FOSL2: variants seen among roughly 807,000 people sequenced by gnomAD.
FOSL2 encodes the protein FOS like 2, AP-1 transcription factor subunit.
In FOSL2, 3 loss-of-function variants were observed where a neutral mutation model predicts 27.7. The ratio of observed to expected loss-of-function variants is 0.11; its 90% CI spans 0.05 to 0.28. FOSL2 has a LOEUF of 0.28. FOSL2 is among the 10% of genes least tolerant of loss of function. FOSL2 has a pLI of 1.00. For missense variants in FOSL2, 333 were observed against 445.1 expected, an observed-to-expected ratio of 0.75 and a Z score of 2.27; for synonymous variants, 179 against 190.1, an observed-to-expected ratio of 0.94 and a Z score of 0.48.
At position 28,404,943 on chromosome 2, in the gene FOSL2, A is replaced by T. The variant is rs1664046869; in HGVS notation, c.354+585A>T. On this transcript the variant is annotated intron_variant, in intron 2 of 3. Transcript: ENST00000264716. This position sits in a 1 kb window ranked among gnomAD's most constrained non-coding sequence, Gnocchi z 4.7. ...GGTGCAGTAACTCTGGGGCCTTAGG[A>T]GTCTGTTCAGTGGCATGGACAGGAG... 6.6e-6 allele frequency among the ~76,000 whole-genome samples: 1 copy of T among 152,114 alleles called. No individual in the cohort carries two copies. The highest frequency in any genetic ancestry group is 6.5e-5 in the Admixed American group (1 of 15,280).
chr2:28,411,568 T>G (rs986144661), intron 3 of FOSL2, among the ~76,000 whole-genome samples: 1 of 152,192 alleles, frequency 6.6e-6, no homozygotes, highest in South Asian at 2.1e-4. Context: ...AGAACCCCTC[T>G]GAACCTCAGT....
rs1664325538 is a variant in FOSL2 at position 28,417,111 on chromosome 2, T to C, written c.*4663T>C. On this transcript the variant is annotated 3_prime_UTR_variant, in exon 4 of 4. Coordinates refer to ENST00000264716, the MANE Select transcript of FOSL2 (RefSeq NM_005253.4). ...CCTTTCTGGTGGTGGTTTTTGTTGT[T>C]GTTGTTGTTTTGTTGTTTTACTATA... 6.6e-6 allele frequency: 1 copy of C among 152,064 alleles called. No homozygotes were observed. The highest frequency in any genetic ancestry group is 2.4e-5 in the African/African-American group (1 of 41,396). The allele number at this position is 152,064 out of a possible 1,614,324, so 9.4% of individuals were successfully genotyped here. A position where few individuals can be genotyped will look rare whatever the true frequency, so the allele number is the denominator to read the frequency against.
At chr2:28,405,837 A>C (rs1459214307) in intron 2 of FOSL2, among the ~76,000 whole-genome samples, 1 of 152,132 alleles carries the variant, frequency 6.6e-6, no homozygotes, top group Non-Finnish European at 1.5e-5. Context: ...CTATAATTGC[A>C]GTTGTAAATA....
At chr2:28,396,298 G>T (rs1476213624) in intron 1 of FOSL2, among the ~76,000 whole-genome samples, 8 of 151,710 alleles carry the variant, frequency 5.3e-5, no homozygotes, top group African/African-American at 1.9e-4. Flanking sequence ...GGGGTGGGGG[G>T]AGCAGACTAG....
chr2:28,400,980 A>G (rs1219015987), intron 1 of FOSL2, among the ~76,000 whole-genome samples: 2 of 152,174 alleles, frequency 1.3e-5, no homozygotes, highest in East Asian at 1.9e-4. Context: ...CAGCTTCCCC[A>G]TGGAGGAGGG....
chr2:28,403,200 C>A (rs1024389826), intron 1 of FOSL2, among the ~76,000 whole-genome samples: 14 of 152,268 alleles, frequency 9.2e-5, no homozygotes, highest in African/African-American at 3.4e-4. Context: ...AGGTCAGGAC[C>A]AGCTGCTAAG....
Position 28,404,744 on chromosome 2 carries a change from T to G in FOSL2, c.354+386T>G, listed in dbSNP as rs1664043147. 6.6e-6 allele frequency among the ~76,000 whole-genome samples: 1 copy of G among 152,156 alleles called. No homozygotes were observed. Among genetic ancestry groups the G allele is most frequent in the Non-Finnish European group, 1.5e-5 (1 of 68,030 alleles). On this transcript the variant is annotated intron_variant, in intron 2 of 3. Transcript: ENST00000264716. The surrounding 1 kb of genome is among the most constrained non-coding windows in gnomAD (Gnocchi z 4.7). ...CCAATGAACCCTGGCTGTGAGCTTTTTAGGATTATCCCTTAGCCGTCTCCC... is the reference window on the plus strand; with the variant it reads ...CCAATGAACCCTGGCTGTGAGCTTTGTAGGATTATCCCTTAGCCGTCTCCC...
chr2:28,412,494 C>T lies in FOSL2; in HGVS notation c.*46C>T, dbSNP rs1369430427. 6.4e-7 allele frequency: 1 copy of T among 1,571,098 alleles called. No individual in the cohort carries two copies. Among genetic ancestry groups the T allele is most frequent in the Admixed American group, 1.7e-5 (1 of 58,936 alleles). ...AGCTCCGGAGGGGGTCCTCCTCGCTCCTCCTTCCCAGGGACCAGCACCTTC... is the reference window on the plus strand; with the variant it reads ...AGCTCCGGAGGGGGTCCTCCTCGCTTCTCCTTCCCAGGGACCAGCACCTTC... On this transcript the variant is annotated 3_prime_UTR_variant, in exon 4 of 4. Coordinates refer to ENST00000264716, the MANE Select transcript of FOSL2 (RefSeq NM_005253.4). This position sits in a 1 kb window ranked among gnomAD's most constrained non-coding sequence, Gnocchi z 7.1.
At chr2:28,397,671 A>G (rs1272182985) in intron 1 of FOSL2, among the ~76,000 whole-genome samples, 1 of 152,144 alleles carries the variant, frequency 6.6e-6, no homozygotes. Flanking sequence ...TTTCTTCTCT[A>G]TCTTAATACA....
At position 28,393,995 on chromosome 2, in the gene FOSL2, G is replaced by A; in HGVS notation, c.102+173G>A. 6.7e-6 allele frequency among the ~76,000 whole-genome samples: 1 copy of A among 149,738 alleles called. No individual in the cohort carries two copies. On this transcript the variant is annotated intron_variant, in intron 1 of 3. Coordinates refer to ENST00000264716, the MANE Select transcript of FOSL2 (RefSeq NM_005253.4). This position sits in a 1 kb window ranked among gnomAD's most constrained non-coding sequence, Gnocchi z 4.6. ...TCCCCCCCACCCCCTTTTAAACTAGGGGATTGGAGAGTGGGCTTGAAGAGA... is the reference window on the plus strand; with the variant it reads ...TCCCCCCCACCCCCTTTTAAACTAGAGGATTGGAGAGTGGGCTTGAAGAGA...
At chr2:28,395,745 G>A (rs1663819859) in intron 1 of FOSL2, 1 of 152,242 alleles carries the variant, frequency 6.6e-6, no homozygotes, top group Non-Finnish European at 1.5e-5. Context: ...GGCAGTGTGT[G>A]AGGCGCCTTT....
Position 28,393,907 on chromosome 2 carries a change from T to C in FOSL2, c.102+85T>C. 1.0e-6 allele frequency: 1 copy of C among 973,078 alleles called. No individual in the cohort carries two copies. The highest frequency in any genetic ancestry group is 1.5e-6 in the Non-Finnish European group (1 of 656,110). 60.3% of individuals were successfully genotyped at this position (973,078 alleles called of 1,614,324 possible). On this transcript the variant is annotated intron_variant, in intron 1 of 3. Coordinates refer to ENST00000264716, the MANE Select transcript of FOSL2 (RefSeq NM_005253.4). The surrounding 1 kb of genome is among the most constrained non-coding windows in gnomAD (Gnocchi z 4.6). ...CCACTGCCTCTTTTGCTTTCTTTTC[T>C]TTTTCTTGGCGAGAAAATACCTACG...
intron 1 of FOSL2, among the ~76,000 whole-genome samples, chr2:28,399,603 T>C (rs147412197): frequency 6.6e-6 from 1 of 152,144 alleles, no homozygotes; most frequent in Admixed American, 6.5e-5. Flanking sequence ...CCACAAGGCT[T>C]GTAAGGGTTT....
At chr2:28,411,843 TCTGAGAACATTA>T (rs1664204037) in intron 3 of FOSL2, 75 bp from the exon 4 acceptor site, 2 of 1,449,582 alleles carry the variant, frequency 1.4e-6, no homozygotes, top group Non-Finnish European at 1.9e-6. Flanking sequence ...TCTCACAGTG[TCTGAGAACATTA>T]CTGGTTTTCT....
intron 3 of FOSL2, among the ~76,000 whole-genome samples, chr2:28,409,472 C>T (rs1012722567): frequency 6.6e-6 from 1 of 152,214 alleles, no homozygotes; most frequent in Non-Finnish European, 1.5e-5. Context: ...TTGTGAGTCA[C>T]TCTCCCGTGC....
At chr2:28,401,963 A>C (rs1229991681) in intron 1 of FOSL2, among the ~76,000 whole-genome samples, 1 of 151,946 alleles carries the variant, frequency 6.6e-6, no homozygotes, top group African/African-American at 2.4e-5. Flanking sequence ...ATTGCACCGG[A>C]TAACTTTTCT....
In FOSL2 at chr2:28,412,195, G is replaced by T; in HGVS notation, c.728G>T (p.Arg243Leu). 6.2e-7 allele frequency: 1 copy of T among 1,612,144 alleles called. No individual in the cohort carries two copies. Among genetic ancestry groups the T allele is most frequent in the Non-Finnish European group, 8.5e-7 (1 of 1,179,338 alleles). ...SSSAGLDKAQ[R>L]SVIKPISIAG... ...TCGGCGGGGCTGGACAAGGCCCAGC[G>T]CTCTGTCATCAAGCCCATCAGCATT... The change falls in exon 4 of 4, where the codon CGC (arginine) becomes CTC (leucine). Residue 243 changes from arginine (R) to leucine (L), a missense_variant. Coordinates refer to ENST00000264716, the MANE Select transcript of FOSL2 (RefSeq NM_005253.4). The surrounding 1 kb of genome is among the most constrained non-coding windows in gnomAD (Gnocchi z 7.1).
At position 28,408,836 on chromosome 2, in the gene FOSL2, A is replaced by G. The variant is rs1416576742; in HGVS notation, c.432A>G (p.Arg144=). 2.5e-6 allele frequency: 4 copies of G among 1,611,200 alleles called. No individual in the cohort carries two copies. The highest frequency in any genetic ancestry group is 1.1e-5 in the South Asian group (1 of 90,498). ...TGGCTGCAGCCAAGTGCCGGAACCG[A>G]CGCCGGGAGCTGACAGAGAAGCTGC... ...NKLAAAKCRN[R]RRELTEKLQA... is the part of the protein sequence containing the mutation. Residue 144 remains arginine, a synonymous_variant, in exon 3 of 4, where the codon CGA becomes CGG. Coordinates refer to ENST00000264716, the MANE Select transcript of FOSL2 (RefSeq NM_005253.4). The surrounding 1 kb of genome is among the most constrained non-coding windows in gnomAD (Gnocchi z 4.1).
In FOSL2 at chr2:28,404,056, T is replaced by C. The variant is rs201864214; in HGVS notation, c.103-51T>C. On this transcript the variant is annotated intron_variant, in intron 1 of 3. Transcript: ENST00000264716. This position sits in a 1 kb window ranked among gnomAD's most constrained non-coding sequence, Gnocchi z 4.7. Reference sequence around the variant, plus strand: ...TCTGTTCAATTATTATTAACTATCCTGTTCAGCTTAGTATTTATTGGCTCA... The same window carrying C: ...TCTGTTCAATTATTATTAACTATCCCGTTCAGCTTAGTATTTATTGGCTCA... The C allele has an allele frequency of 2.3e-4, 368 of 1,602,612 alleles. No individual in the cohort carries two copies. The highest frequency in any genetic ancestry group is 6.2e-4 in the Admixed American group (37 of 59,734).
Sources: gnomAD v4.1 joint callset for allele counts (sites outside exome capture counted in the v4.1 genomes callset) on GRCh38, gnomAD v4.1.1 for gene constraint, Gnocchi (gnomAD v3.1) non-coding constraint, MANE v1.5 for transcripts, NCBI Gene and HGNC (gene_info 2026-07-23, HGNC 2026-07-21) for gene names.